The following MYO3B variants were observed in gnomAD, a reference collection of about 807,000 sequenced individuals.
MYO3B encodes the protein myosin-IIIb.
MYO3B carries 156 observed loss-of-function variants against 174.6 expected under a neutral mutation model. That is an observed-to-expected ratio of 0.89 (90% CI 0.78 to 1.02). The LOEUF (loss-of-function observed/expected upper bound fraction) is 1.02, where lower values mean the gene tolerates loss of function less well. MYO3B is among the 50% of genes least tolerant of loss of function. The pLI is 0.00. For synonymous variants in MYO3B, 563 were observed against 569.1 expected, an observed-to-expected ratio of 0.99 and a Z score of 0.15; for missense variants, 1,632 against 1,639.4, an observed-to-expected ratio of 1.00 and a Z score of 0.08.
At chr2:170,651,160 T>TC (rs894972501) in intron 32 of MYO3B, among the ~76,000 whole-genome samples, 13 of 151,860 alleles carry the variant, frequency 8.6e-5, no homozygotes, top group South Asian at 4.2e-4. Flanking sequence ...TCAAGCCATT[T>TC]CCCCCCCGAC....
rs1277113296 is a variant in MYO3B at position 170,501,853 on chromosome 2, C to T, written c.3358C>T (p.His1120Tyr). 5 of 1,607,396 alleles carry T rather than the reference C, an allele frequency of 3.1e-6. No homozygotes were observed. Among genetic ancestry groups the T allele is most frequent in the Non-Finnish European group, 3.4e-6 (4 of 1,174,224 alleles). The change falls in exon 28 of 35, where the codon CAT becomes TAT. Residue 1120 changes from histidine (H) to tyrosine (Y), a missense_variant. By Grantham distance (83) the His-to-Tyr change is moderately conservative (BLOSUM62 2). Coordinates refer to ENST00000408978, the MANE Select transcript of MYO3B (RefSeq NM_138995.5). ...ISNRRNESAAHNQAGDTSNQS... is the reference protein window; with the variant it reads ...ISNRRNESAAYNQAGDTSNQS... ...CAACAGAAGGAATGAGTCTGCTGCT[C>T]ATAATCAAGCAGGTAATTAAAACAT...
chr2:170,441,424 C>G, intron 22 of MYO3B, among the ~76,000 whole-genome samples: 1 of 152,150 alleles, frequency 6.6e-6, no homozygotes, highest in East Asian at 1.9e-4. Flanking sequence ...GATCCCAATC[C>G]AGATCCCAAG....
chr2:170,555,251 C>T (rs1691204862), intron 32 of MYO3B, among the ~76,000 whole-genome samples: 1 of 152,116 alleles, frequency 6.6e-6, no homozygotes, highest in African/African-American at 2.4e-5. Flanking sequence ...TCATTTATTA[C>T]AATTGATGAG....
intron 25 of MYO3B, among the ~76,000 whole-genome samples, chr2:170,495,673 A>G (rs1468416401): frequency 6.6e-6 from 1 of 152,168 alleles, no homozygotes; most frequent in African/African-American, 2.4e-5. Flanking sequence ...ATATCTTTCA[A>G]GGTGCTGGTC....
At chr2:170,555,918 G>T (rs2106238724) in intron 32 of MYO3B, among the ~76,000 whole-genome samples, 1 of 150,634 alleles carries the variant, frequency 6.6e-6, no homozygotes, top group African/African-American at 2.4e-5. Context: ...CATGTCGGCT[G>T]GGTGTGGTGG....
intron 13 of MYO3B, 120 bp downstream of exon 13, chr2:170,386,392 T>C (rs1054943578): frequency 1.4e-6 from 1 of 728,816 alleles, no homozygotes; most frequent in African/African-American, 1.8e-5. Context: ...ACATTCCATC[T>C]TTGCTACGTT....
chr2:170,200,622 C>T (rs2092651152), intron 3 of MYO3B, among the ~76,000 whole-genome samples: 1 of 151,966 alleles, frequency 6.6e-6, no homozygotes, highest in Non-Finnish European at 1.5e-5. Flanking sequence ...AATTGTTAAC[C>T]CAAGGTTTAC....
At chr2:170,366,217 T>C (rs2094196959) in intron 8 of MYO3B, among the ~76,000 whole-genome samples, 1 of 152,200 alleles carries the variant, frequency 6.6e-6, no homozygotes, top group African/African-American at 2.4e-5. Flanking sequence ...CTGAAGTTAA[T>C]AGGGGTTTAT....
intron 1 of MYO3B, among the ~76,000 whole-genome samples, chr2:170,193,467 A>C (rs1435082581): frequency 6.6e-6 from 1 of 152,084 alleles, no homozygotes. Flanking sequence ...GTGGATATCT[A>C]TAGATCTGTT....
At chr2:170,578,281 G>T (rs1056502389) in intron 32 of MYO3B, among the ~76,000 whole-genome samples, 1 of 152,224 alleles carries the variant, frequency 6.6e-6, no homozygotes. Context: ...CATTGTTTGT[G>T]GGGAGGAGGA....
chr2:170,400,294 A>G lies in MYO3B; in HGVS notation c.1898A>G (p.Asn633Ser), dbSNP rs766118200. 3 of 1,614,098 alleles carry G rather than the reference A, an allele frequency of 1.9e-6. No individual in the cohort carries two copies. The highest frequency in any genetic ancestry group is 2.2e-5 in the East Asian group (1 of 44,882). Residue 633 changes from asparagine (N) to serine (S), a missense_variant, in exon 17 of 35, where the codon AAT becomes AGT. Physicochemically the swap from Asn to Ser is conservative, Grantham distance 46 (BLOSUM62 1). Coordinates refer to ENST00000408978, the MANE Select transcript of MYO3B (RefSeq NM_138995.5). ...QHQTDKSEVP[N>S]AEALQNAASV... ...CAGACTGATAAAAGTGAGGTGCCCA[A>G]TGCTGAAGCTTTGCAAAATGGTAAT...
At chr2:170,448,028 G>A (rs1683339461) in intron 23 of MYO3B, among the ~76,000 whole-genome samples, 4 of 152,164 alleles carry the variant, frequency 2.6e-5, no homozygotes, top group South Asian at 4.1e-4. Context: ...CAATACTGAT[G>A]TTATCCCCAG....
chr2:170,643,417 G>A (rs1476381754), intron 32 of MYO3B, among the ~76,000 whole-genome samples: 1 of 152,160 alleles, frequency 6.6e-6, no homozygotes, highest in Non-Finnish European at 1.5e-5. Flanking sequence ...TTGTCTAGCT[G>A]ACAGCTGGGT....
chr2:170,326,707 C>A (rs1031066646), intron 7 of MYO3B, among the ~76,000 whole-genome samples: 2 of 152,084 alleles, frequency 1.3e-5, no homozygotes, highest in Non-Finnish European at 2.9e-5. Context: ...GGAAAGGTAC[C>A]CCAATGTGCT....
intron 32 of MYO3B, among the ~76,000 whole-genome samples, chr2:170,636,817 T>A (rs1214653337): frequency 6.6e-6 from 1 of 152,202 alleles, no homozygotes; most frequent in African/African-American, 2.4e-5. Flanking sequence ...CCTGAAAGAA[T>A]GTTTCCTTCA....
chr2:170,534,066 A>T (rs1318085139), intron 30 of MYO3B, among the ~76,000 whole-genome samples: 1 of 152,222 alleles, frequency 6.6e-6, no homozygotes. Context: ...AATTACAAAC[A>T]TACCTTGTTT....
At chr2:170,644,938 G>A (rs1698251098) in intron 32 of MYO3B, among the ~76,000 whole-genome samples, 1 of 152,168 alleles carries the variant, frequency 6.6e-6, no homozygotes, top group Non-Finnish European at 1.5e-5. Flanking sequence ...GAAATCAGAA[G>A]GTGCAGGGCA....
intron 3 of MYO3B, among the ~76,000 whole-genome samples, chr2:170,213,353 C>T (rs1027422724): frequency 3.3e-5 from 5 of 152,110 alleles, no homozygotes; most frequent in African/African-American, 1.2e-4. Flanking sequence ...GAGTCGTGAT[C>T]GATTGACCAA....
chr2:170,307,621 A>C (rs2093709841), intron 7 of MYO3B, among the ~76,000 whole-genome samples: 1 of 152,112 alleles, frequency 6.6e-6, no homozygotes, highest in South Asian at 2.1e-4. Flanking sequence ...CTGCCCAGGA[A>C]GTTTCTTTAT....
Sources: allele counts gnomAD v4.1 joint callset (sites outside exome capture counted in the v4.1 genomes callset), GRCh38; gene constraint gnomAD v4.1.1; transcripts MANE v1.5; gene names NCBI Gene and HGNC (gene_info 2026-07-23, HGNC 2026-07-21).